EYA1: variants seen among roughly 807,000 people sequenced by gnomAD.
EYA1 encodes the protein EYA transcriptional coactivator and phosphatase 1.
Under a neutral mutation model 82.0 loss-of-function variants are expected in EYA1, and 16 were observed. The ratio of observed to expected loss-of-function variants is 0.20; its 90% CI spans 0.13 to 0.30. The LOEUF is 0.30. Among genes scored for constraint, EYA1 ranks in the 10% least tolerant of loss-of-function variants. The pLI, the probability that EYA1 is intolerant of heterozygous loss-of-function variation, is 1.00. For missense variants in EYA1, 633 were observed against 730.7 expected, an observed-to-expected ratio of 0.87 and a Z score of 1.54; for synonymous variants, 261 against 264.4, an observed-to-expected ratio of 0.99 and a Z score of 0.12.
At chr8:71,416,065 A>G (rs928554492) in intron 2 of EYA1, among the ~76,000 whole-genome samples, 1 of 152,034 alleles carries the variant, frequency 6.6e-6, no homozygotes, top group Non-Finnish European at 1.5e-5. Flanking sequence ...GCTGATCTCT[A>G]CAGACTCTCT....
rs189822026 is a variant in EYA1, at chr8:71,450,539, C to G, written c.33+85205G>C. On this transcript the variant is annotated intron_variant, in intron 2 of 18. Transcript: ENST00000643681. ...CTTTACAATCAGAGATCAAAAATTACAGATTATCATAACAGATACAATAAT... is the reference window on the plus strand; with the variant it reads ...CTTTACAATCAGAGATCAAAAATTAGAGATTATCATAACAGATACAATAAT... Among the ~76,000 whole-genome samples the G allele has an allele frequency of 5.9e-5, 9 of 152,268 alleles. No individual in the cohort carries two copies. In the East Asian group the frequency reaches 1.7e-3, roughly 29 times the overall value.
chr8:71,493,525 G>A (rs1446165804), intron 2 of EYA1, among the ~76,000 whole-genome samples: 3 of 152,112 alleles, frequency 2.0e-5, no homozygotes, highest in Admixed American at 6.6e-5. Context: ...AGACCAGGGA[G>A]AATTAATTAC....
chr8:71,347,973 G>T (rs1358178944), intron 3 of EYA1, among the ~76,000 whole-genome samples: 3 of 147,054 alleles, frequency 2.0e-5, no homozygotes, highest in Non-Finnish European at 4.5e-5. Context: ...CTTATAAATT[G>T]TGGGTCCTAA....
At chr8:71,540,263 G>A (rs1815042774) in intron 1 of EYA1, among the ~76,000 whole-genome samples, 1 of 152,142 alleles carries the variant, frequency 6.6e-6, no homozygotes, top group Non-Finnish European at 1.5e-5. Context: ...TGAGCTTAAA[G>A]TTTTCCCAGG....
chr8:71,448,028 T>TTTTTTTTTTTTTAGGTAA (rs1807040097), intron 2 of EYA1, among the ~76,000 whole-genome samples: 2 of 148,838 alleles, frequency 1.3e-5, no homozygotes, highest in African/African-American at 5.1e-5. Context: ...TTTTTTTTTC[T>TTTTTTTTTTTTTAGGTAA]CGCTCCGTTG....
At chr8:71,514,740 G>A (rs1470496515) in intron 2 of EYA1, among the ~76,000 whole-genome samples, 2 of 152,116 alleles carry the variant, frequency 1.3e-5, no homozygotes, top group African/African-American at 2.4e-5. Flanking sequence ...CCCACAACAC[G>A]TGGGAATTCT....
At chr8:71,343,360 C>T (rs970379090) in intron 3 of EYA1, among the ~76,000 whole-genome samples, 3 of 152,100 alleles carry the variant, frequency 2.0e-5, no homozygotes, top group African/African-American at 4.8e-5. Flanking sequence ...AACTTAATCC[C>T]CGATGTGTCA....
At chr8:71,389,034 T>C (rs1012534388) in intron 2 of EYA1, among the ~76,000 whole-genome samples, 1 of 151,498 alleles carries the variant, frequency 6.6e-6, no homozygotes, top group Non-Finnish European at 1.5e-5. Flanking sequence ...CTGCTTGCTC[T>C]CAGGACTTTA....
intron 4 of EYA1, among the ~76,000 whole-genome samples, chr8:71,326,382 A>C (rs1415977607): frequency 5.9e-5 from 9 of 151,682 alleles, no homozygotes; most frequent in African/African-American, 2.2e-4. Flanking sequence ...TTTTCCCAAC[A>C]AAATATACCC....
chr8:71,475,792 G>C (rs568388858), intron 2 of EYA1, among the ~76,000 whole-genome samples: 1 of 152,028 alleles, frequency 6.6e-6, no homozygotes, highest in Non-Finnish European at 1.5e-5. Flanking sequence ...ATTTTCGTTT[G>C]TTTATTTTAT....
At chr8:71,305,428 C>T (rs891022515) in intron 7 of EYA1, among the ~76,000 whole-genome samples, 3 of 141,630 alleles carry the variant, frequency 2.1e-5, no homozygotes, top group Non-Finnish European at 4.8e-5. Context: ...CCTTCTTACT[C>T]ATTGGTTAAA....
rs375239711 is a variant in EYA1 at position 71,368,497 on chromosome 8, C to CA, written c.34-11987dup. The stretch of plus-strand genomic sequence containing the variant: ...AGGAGGGACAGGACAAAAACAAAAG[C>CA]AAAAAAAAAGAAAGAATTTGTTATT... On this transcript the variant is annotated intron_variant, in intron 2 of 18. Transcript: ENST00000643681. Among the ~76,000 whole-genome samples the CA allele has an allele frequency of 3.2e-4, 48 of 147,704 alleles. No individual in the cohort carries two copies. In the South Asian group the frequency reaches 6.9e-3, roughly 21 times the overall value.
At chr8:71,443,102 G>T (rs1806551264) in intron 2 of EYA1, among the ~76,000 whole-genome samples, 1 of 152,056 alleles carries the variant, frequency 6.6e-6, no homozygotes, top group African/African-American at 2.4e-5. Flanking sequence ...GAATGTCATG[G>T]CTAGGTATTA....
chr8:71,315,209 TA>T (rs563265560), intron 7 of EYA1, among the ~76,000 whole-genome samples: 1 of 152,300 alleles, frequency 6.6e-6, no homozygotes, highest in East Asian at 1.9e-4. Context: ...AAAAATTTTC[TA>T]AAAAAAGAGA....
intron 2 of EYA1, among the ~76,000 whole-genome samples, chr8:71,436,814 C>G (rs905222667): frequency 1.3e-5 from 2 of 151,984 alleles, no homozygotes; most frequent in Admixed American, 6.6e-5. Context: ...AAAATGTTTG[C>G]CTGGAAGGTA....
rs1295944651 is a variant in EYA1 at position 71,199,282 on chromosome 8, C to A, written c.*58G>T. 4.6e-6 allele frequency: 6 copies of A among 1,293,880 alleles called. No individual in the cohort carries two copies. The highest frequency in any genetic ancestry group is 6.6e-6 in the Non-Finnish European group (6 of 906,652). 80.1% of individuals were successfully genotyped at this position (1,293,880 alleles called of 1,614,324 possible). Reference sequence around the variant, plus strand: ...GCCGGCGCTGATGCGAGACTGGGGCCTGCTGGATCTGTCCCTGGTCACAGA... The same window carrying A: ...GCCGGCGCTGATGCGAGACTGGGGCATGCTGGATCTGTCCCTGGTCACAGA... On this transcript the variant is annotated 3_prime_UTR_variant, in exon 18 of 18. Coordinates refer to ENST00000340726, the MANE Select transcript of EYA1 (RefSeq NM_000503.6).
intron 4 of EYA1, among the ~76,000 whole-genome samples, chr8:71,326,252 C>T (rs1275894549): frequency 6.6e-6 from 1 of 152,174 alleles, no homozygotes; most frequent in Non-Finnish European, 1.5e-5. Context: ...CAGCTCATTC[C>T]TCCCCCAGGC....
intron 11 of EYA1, among the ~76,000 whole-genome samples, chr8:71,269,021 G>T (rs1816199077): frequency 6.6e-6 from 1 of 152,100 alleles, no homozygotes; most frequent in South Asian, 2.1e-4. Context: ...GATAACTTGA[G>T]AAATTACCTA....
intron 3 of EYA1, among the ~76,000 whole-genome samples, chr8:71,337,422 C>T (rs1326520043): frequency 1.3e-5 from 2 of 152,068 alleles, no homozygotes; most frequent in Non-Finnish European, 2.9e-5. Flanking sequence ...CAAAAATTCC[C>T]TTTTATCCCT....
Sources: gnomAD v4.1 joint callset for allele counts (sites outside exome capture counted in the v4.1 genomes callset) on GRCh38, gnomAD v4.1.1 for gene constraint, MANE v1.5 for transcripts, NCBI Gene and HGNC (gene_info 2026-07-23, HGNC 2026-07-21) for gene names.